The following GFM2 variants were observed in gnomAD, a reference collection of about 807,000 sequenced individuals.
GFM2 encodes ribosome-releasing factor 2, mitochondrial.
In GFM2, 72 loss-of-function variants were observed where a neutral mutation model predicts 95.4. That is an observed-to-expected ratio of 0.76 (90% CI 0.62 to 0.92). The LOEUF (loss-of-function observed/expected upper bound fraction) is 0.92. GFM2 is among the 40% of genes least tolerant of loss of function. The pLI, the probability that GFM2 is intolerant of heterozygous loss-of-function variation, is 0.00. For missense variants in GFM2, 825 were observed against 924.1 expected (o/e 0.89, Z 1.39); for synonymous variants, 276 against 317.5 (o/e 0.87, Z 1.39).
chr5:74,752,736 A>C (rs189680372), intron 5 of GFM2, among the ~76,000 whole-genome samples: 1 of 152,312 alleles, frequency 6.6e-6, no homozygotes, highest in East Asian at 1.9e-4. Context: ...TTCTACAACA[A>C]CCTGGATAGT....
chr5:74,730,173 T>C, intron 17 of GFM2, 87 bp downstream of exon 17: 1 of 1,254,794 alleles, frequency 8.0e-7, no homozygotes, highest in African/African-American at 1.5e-5. Context: ...AAGACATTAG[T>C]GACTATGAAC....
intron 3 of GFM2, 37 bp downstream of exon 3, chr5:74,760,865 C>T (rs535343029): frequency 5.5e-6 from 7 of 1,265,910 alleles, no homozygotes; most frequent in Admixed American, 2.0e-5. Context: ...ATAAAGCAAA[C>T]AGCTTAGATA....
At chr5:74,750,970 A>G (rs1159086046) in intron 6 of GFM2, among the ~76,000 whole-genome samples, 1 of 152,200 alleles carries the variant, frequency 6.6e-6, no homozygotes, top group Non-Finnish European at 1.5e-5. Flanking sequence ...GTCACATGCT[A>G]CAATATGAGA....
intron 3 of GFM2, 83 bp downstream of exon 3, chr5:74,760,819 T>C: frequency 1.1e-6 from 1 of 899,462 alleles, no homozygotes; most frequent in East Asian, 2.4e-5. Flanking sequence ...AGAGCCCTAA[T>C]AAGGGAGATT....
intron 5 of GFM2, 84 bp from the exon 6 acceptor site, chr5:74,751,577 C>T (rs574261580): frequency 1.0e-6 from 1 of 954,898 alleles, no homozygotes; most frequent in African/African-American, 1.7e-5. Flanking sequence ...CACAGTTTAA[C>T]CTGCCTTAAG....
At chr5:74,754,307 A>G (rs75359224) in intron 5 of GFM2, among the ~76,000 whole-genome samples, 1 of 69,938 alleles carries the variant, frequency 1.4e-5, no homozygotes, top group Non-Finnish European at 2.5e-5. Context: ...AATACAATGA[A>G]AAAAAAAAAA....
At chr5:74,728,721 T>C (rs542828108) in intron 17 of GFM2, among the ~76,000 whole-genome samples, 24 of 151,250 alleles carry the variant, frequency 1.6e-4, no homozygotes, top group African/African-American at 5.3e-4. Flanking sequence ...TTATTATGAG[T>C]TAATATTCTT....
At chr5:74,741,415 C>T (rs1743097626) in intron 11 of GFM2, 114 bp downstream of exon 11, 2 of 615,906 alleles carry the variant, frequency 3.2e-6, no homozygotes, top group South Asian at 4.3e-5. Context: ...AAACTTACCA[C>T]TTTCTAATAA....
intron 7 of GFM2, among the ~76,000 whole-genome samples, chr5:74,749,891 T>C (rs1743606517): frequency 6.6e-6 from 1 of 152,210 alleles, no homozygotes; most frequent in African/African-American, 2.4e-5. Flanking sequence ...TGTAAAGATA[T>C]TTTTCTTCTA....
intron 16 of GFM2, among the ~76,000 whole-genome samples, chr5:74,732,494 GTAATT>G (rs895987882): frequency 2.7e-5 from 4 of 150,022 alleles, no homozygotes; most frequent in Admixed American, 1.3e-4. Context: ...GATGCAGAAT[GTAATT>G]TAATCATTTC....
At chr5:74,756,112 A>G (rs1334035238) in intron 5 of GFM2, among the ~76,000 whole-genome samples, 1 of 152,170 alleles carries the variant, frequency 6.6e-6, no homozygotes, top group Non-Finnish European at 1.5e-5. Flanking sequence ...CAAAAATCAC[A>G]TGATCATCTC....
At chr5:74,743,863 T>C (rs949282586) in intron 10 of GFM2, among the ~76,000 whole-genome samples, 1 of 152,230 alleles carries the variant, frequency 6.6e-6, no homozygotes, top group Admixed American at 6.5e-5. Flanking sequence ...TTTGAGCTGC[T>C]GTTTCCCCAT....
chr5:74,742,322 C>G (rs1359996591), intron 10 of GFM2, among the ~76,000 whole-genome samples: 2 of 151,574 alleles, frequency 1.3e-5, no homozygotes, highest in Middle Eastern at 3.4e-3. Context: ...AACCATCCTT[C>G]TGGAAAGCAT....
chr5:74,760,762 G>A (rs542831217), intron 3 of GFM2, 140 bp downstream of exon 3: 32 of 643,540 alleles, frequency 5.0e-5, no homozygotes, highest in African/African-American at 2.7e-4. Context: ...GAACACTCCC[G>A]CCCCTAATAA....
chr5:74,762,204 G>A (rs1055397633), intron 2 of GFM2, among the ~76,000 whole-genome samples: 6 of 152,168 alleles, frequency 3.9e-5, no homozygotes, highest in Non-Finnish European at 8.8e-5. Flanking sequence ...CAAAAAAACT[G>A]TAGACGAATG....
At chr5:74,748,630 T>C (rs1743511921) in intron 7 of GFM2, among the ~76,000 whole-genome samples, 1 of 152,074 alleles carries the variant, frequency 6.6e-6, no homozygotes. Flanking sequence ...TGTGGGAGGC[T>C]GAGGCAGGTG....
chr5:74,725,915 T>C (rs1175828201), intron 18 of GFM2, 26 bp downstream of exon 18: 16 of 1,591,104 alleles, frequency 1.0e-5, no homozygotes, highest in Non-Finnish European at 1.4e-5. Context: ...GGGATACTAA[T>C]GCTTACTCTC....
At chr5:74,722,174 C>G (rs1749924073) in intron 20 of GFM2, 1 of 556,856 alleles carries the variant, frequency 1.8e-6, no homozygotes, top group Non-Finnish European at 3.1e-6. Flanking sequence ...CTGTAAATAC[C>G]CCCTTGTAGT....
chr5:74,745,962 T>C, intron 9 of GFM2, 105 bp from the exon 10 acceptor site: 1 of 1,076,912 alleles, frequency 9.3e-7, no homozygotes, highest in Non-Finnish European at 1.3e-6. Flanking sequence ...ATGTCTATTA[T>C]CACCATTACT....
Sources: allele counts gnomAD v4.1 joint callset (sites outside exome capture counted in the v4.1 genomes callset), GRCh38; gene constraint gnomAD v4.1.1; transcripts MANE v1.5; gene names NCBI Gene and HGNC (gene_info 2026-07-23, HGNC 2026-07-21).